SYN3: variants seen among roughly 807,000 people sequenced by gnomAD.
SYN3 encodes the protein synapsin III, also known as synapsin-3.
Under a neutral mutation model 65.8 loss-of-function variants are expected in SYN3, and 35 were observed. That is an observed-to-expected ratio of 0.53 (90% confidence interval 0.41 to 0.70). SYN3 has a LOEUF of 0.70. Ranked by LOEUF, SYN3 falls within the 30% of genes least tolerant of loss-of-function variation. The probability of loss-of-function intolerance (pLI) is 0.00; values close to 1 mark genes in which losing one functional copy is unlikely to be tolerated. For missense variants in SYN3, 680 were observed against 749.0 expected (o/e 0.91, Z 1.08); for synonymous variants, 270 against 292.9 (o/e 0.92, Z 0.80).
At chr22:32,696,999 A>G (rs2060745608) in intron 6 of SYN3, among the ~76,000 whole-genome samples, 1 of 152,204 alleles carries the variant, frequency 6.6e-6, no homozygotes, top group African/African-American at 2.4e-5. Context: ...TGGGGAAAGA[A>G]AAATCTCTCT....
chr22:32,541,199 A>G (rs1359605292), intron 8 of SYN3, among the ~76,000 whole-genome samples: 1 of 152,202 alleles, frequency 6.6e-6, no homozygotes, highest in African/African-American at 2.4e-5. Flanking sequence ...AACACAGATC[A>G]GACCCTTTGC....
At chr22:32,632,698 C>A (rs941360471) in intron 6 of SYN3, among the ~76,000 whole-genome samples, 5 of 152,190 alleles carry the variant, frequency 3.3e-5, no homozygotes, top group Non-Finnish European at 5.9e-5. Context: ...GGCAATCATC[C>A]TCCTTAGCCT....
chr22:32,691,461 T>C (rs2060660443), intron 6 of SYN3, among the ~76,000 whole-genome samples: 1 of 152,254 alleles, frequency 6.6e-6, no homozygotes, highest in Admixed American at 6.5e-5. Context: ...CATATATTTG[T>C]GTGTCTGGCA....
At chr22:32,717,445 C>T (rs1403482947) in intron 6 of SYN3, among the ~76,000 whole-genome samples, 2 of 152,154 alleles carry the variant, frequency 1.3e-5, no homozygotes, top group Non-Finnish European at 2.9e-5. Flanking sequence ...TCACCCTGAG[C>T]AGTGAGGGCT....
In SYN3 at chr22:32,518,334, C is replaced by T; in HGVS notation, c.1319G>A (p.Gly440Glu). Residue 440 changes from glycine to glutamate, a missense_variant and splice_region_variant, in exon 13 of 14, where the codon GGA (glycine) becomes GAA (glutamate). Transcript: ENST00000358763. Reference sequence around the variant, plus strand: ...AGGAGACTGAGCTTGGCGAGGGCCTCCTAAGGGGCCAGAAAAAAAAAGGTT... The same window carrying T: ...AGGAGACTGAGCTTGGCGAGGGCCTTCTAAGGGGCCAGAAAAAAAAAGGTT... ...GQPQPRPPPQ[G>E]GPRQAQSPQP... The T allele has an allele frequency of 6.2e-7, 1 of 1,609,516 alleles. No homozygotes were observed. Among genetic ancestry groups the T allele is most frequent in the East Asian group, 2.2e-5 (1 of 44,832 alleles).
intron 12 of SYN3, among the ~76,000 whole-genome samples, chr22:32,524,795 G>C (rs2057948105): frequency 6.6e-6 from 1 of 152,182 alleles, no homozygotes; most frequent in East Asian, 1.9e-4. Flanking sequence ...TGGCTCACAA[G>C]GTAAGGAGTT....
intron 4 of SYN3, among the ~76,000 whole-genome samples, chr22:32,920,059 G>A (rs182379914): frequency 5.3e-5 from 8 of 152,310 alleles, no homozygotes; most frequent in African/African-American, 1.4e-4. Context: ...GATGCCTTTC[G>A]TCAAGGTCTT....
At chr22:32,794,866 G>T (rs1364267999) in intron 6 of SYN3, among the ~76,000 whole-genome samples, 1 of 152,190 alleles carries the variant, frequency 6.6e-6, no homozygotes, top group African/African-American at 2.4e-5. Flanking sequence ...AGGTGGAGGA[G>T]GGTGGGGGAA....
chr22:32,844,343 T>C (rs957027085), intron 6 of SYN3, among the ~76,000 whole-genome samples: 1 of 152,184 alleles, frequency 6.6e-6, no homozygotes, highest in African/African-American at 2.4e-5. Context: ...CCAATTGCCA[T>C]TGGAAAATTG....
At chr22:32,590,860 T>C (rs2059118305) in intron 7 of SYN3, among the ~76,000 whole-genome samples, 1 of 152,240 alleles carries the variant, frequency 6.6e-6, no homozygotes, top group Non-Finnish European at 1.5e-5. Context: ...ACTAAACTTG[T>C]AGCCAAGTGA....
chr22:32,553,209 C>A (rs139196854), intron 7 of SYN3, among the ~76,000 whole-genome samples: 72 of 152,290 alleles, frequency 4.7e-4, no homozygotes, highest in Middle Eastern at 3.4e-3. Flanking sequence ...TGGGCTTTAC[C>A]GGGGACACAA....
At chr22:32,618,419 GC>G (rs2059550160) in intron 6 of SYN3, among the ~76,000 whole-genome samples, 2 of 152,184 alleles carry the variant, frequency 1.3e-5, no homozygotes, top group Non-Finnish European at 2.9e-5. Context: ...GAATGTGTCA[GC>G]CCTCGAAACT....
intron 6 of SYN3, among the ~76,000 whole-genome samples, chr22:32,615,933 T>A (rs907070397): frequency 1.3e-5 from 2 of 152,190 alleles, no homozygotes; most frequent in African/African-American, 2.4e-5. Context: ...CCCTAACTTC[T>A]GTGAGTGAAC....
chr22:32,622,243 C>A (rs144611613), intron 6 of SYN3, among the ~76,000 whole-genome samples: 1 of 152,100 alleles, frequency 6.6e-6, no homozygotes, highest in Non-Finnish European at 1.5e-5. Flanking sequence ...TCTCCCCAAC[C>A]CTGACCTCTC....
intron 1 of SYN3, among the ~76,000 whole-genome samples, chr22:33,023,758 T>C (rs933527722): frequency 6.6e-6 from 1 of 152,160 alleles, no homozygotes; most frequent in African/African-American, 2.4e-5. Context: ...TGGAAGCCCT[T>C]GATAAGGTGA....
chr22:32,546,424 T>A (rs2058336596), intron 7 of SYN3, among the ~76,000 whole-genome samples: 1 of 152,216 alleles, frequency 6.6e-6, no homozygotes, highest in African/African-American at 2.4e-5. Context: ...AGGTGGATAT[T>A]TCCATGCATT....
At chr22:32,516,343 T>TTTGATTGATTGATTGA (rs771874240) in intron 13 of SYN3, among the ~76,000 whole-genome samples, 1 of 140,372 alleles carries the variant, frequency 7.1e-6, no homozygotes, top group African/African-American at 2.8e-5. Context: ...AACATACATC[T>TTTGATTGATTGATTGA]TTGATTTATT....
intron 6 of SYN3, among the ~76,000 whole-genome samples, chr22:32,678,577 TCTC>T (rs1185940390): frequency 5.3e-5 from 8 of 150,746 alleles, no homozygotes; most frequent in Non-Finnish European, 7.4e-5. Flanking sequence ...TTCCTCCTCC[TCTC>T]CTCCTCCTTC....
intron 6 of SYN3, among the ~76,000 whole-genome samples, chr22:32,808,651 C>T (rs1331351046): frequency 6.6e-6 from 1 of 152,176 alleles, no homozygotes; most frequent in East Asian, 1.9e-4. Flanking sequence ...TGGCTCTTGG[C>T]CCATGACACC....
Sources: gnomAD v4.1 joint callset for allele counts (sites outside exome capture counted in the v4.1 genomes callset) on GRCh38, gnomAD v4.1.1 for gene constraint, MANE v1.5 for transcripts, NCBI Gene and HGNC (gene_info 2026-07-23, HGNC 2026-07-21) for gene names.